The following HM13 variants were observed in gnomAD, a reference collection of about 807,000 sequenced individuals.
HM13 encodes the protein signal peptide peptidase.
In HM13, 18 loss-of-function variants were observed where a neutral mutation model predicts 50.0. The ratio of observed to expected loss-of-function variants is 0.36; its 90% CI spans 0.25 to 0.53. HM13 has a LOEUF of 0.53. Ranked by LOEUF, HM13 falls within the 20% of genes least tolerant of loss-of-function variation. HM13 has a pLI of 0.90. For missense variants in HM13, 393 were observed against 552.4 expected (o/e 0.71, Z 2.89); for synonymous variants, 197 against 232.6 (o/e 0.85, Z 1.39).
rs777483844 is a variant in HM13, at chr20:31,561,534, C to G, written c.846-100C>G. The G allele has an allele frequency of 1.3e-4, 106 of 817,576 alleles. No homozygotes were observed. In the Admixed American group the frequency reaches 1.5e-3, roughly 12 times the overall value. 50.6% of individuals were successfully genotyped at this position (817,576 alleles called of 1,614,324 possible). A position where few individuals can be genotyped will look rare whatever the true frequency, so the allele number is the denominator to read the frequency against. ...CCCAGCCCAGAGCTCAGTCACCCCCCCACAACCTCTAGGGTCTTCCCCAGC... is the reference window on the plus strand; with the variant it reads ...CCCAGCCCAGAGCTCAGTCACCCCCGCACAACCTCTAGGGTCTTCCCCAGC... On this transcript the variant is annotated intron_variant, in intron 9 of 12. Coordinates refer to ENST00000398174, the MANE Select transcript of HM13 (RefSeq NM_178581.3).
At chr20:31,531,462 T>G (rs1982811027) in intron 2 of HM13, among the ~76,000 whole-genome samples, 1 of 151,840 alleles carries the variant, frequency 6.6e-6, no homozygotes, top group Non-Finnish European at 1.5e-5. Context: ...AGTCACATAA[T>G]CGTAGCTTAC....
chr20:31,524,599 G>A (rs997752127), intron 1 of HM13, among the ~76,000 whole-genome samples: 6 of 151,572 alleles, frequency 4.0e-5, no homozygotes, highest in Non-Finnish European at 8.8e-5. Context: ...TTACCTTTCC[G>A]ATAGACAAAA....
At chr20:31,559,869 A>G (rs1568798963) in intron 9 of HM13, among the ~76,000 whole-genome samples, 1 of 152,258 alleles carries the variant, frequency 6.6e-6, no homozygotes, top group Non-Finnish European at 1.5e-5. Flanking sequence ...ATTTAAACCC[A>G]CAAGGGCCTG....
chr20:31,546,331 C>G lies in HM13; in HGVS notation c.454+1296C>G, dbSNP rs537462644. Among the ~76,000 whole-genome samples, 56 of 152,246 alleles carry G rather than the reference C, an allele frequency of 3.7e-4. 1 individual carries two copies. The highest frequency in any genetic ancestry group is 3.3e-3 in the Admixed American group (51 of 15,294). ...GATTACAGGCGTGAGCCACCGCGCC[C>G]GGCCGTAGCACTCTCTCTTACTGGT... On this transcript the variant is annotated intron_variant, in intron 4 of 12. Transcript: ENST00000398174.
rs139781758 is a variant in HM13, at chr20:31,539,405, G to A, written c.365+1144G>A. 1.9e-4 allele frequency: 187 copies of A among 985,506 alleles called. 2 individuals carry two copies. In the East Asian group the frequency reaches 0.013, roughly 71 times the overall value. 61.0% of individuals were successfully genotyped at this position (985,506 alleles called of 1,614,324 possible). A position where few individuals can be genotyped will look rare whatever the true frequency, so the allele number is the denominator to read the frequency against. On this transcript the variant is annotated intron_variant, in intron 3 of 12. Transcript: ENST00000398174. ...CCTTGAACTTAGCTTTCTTTGAAGGGTAGGAAACCTGGAAGACGTACAAAG... is the reference window on the plus strand; with the variant it reads ...CCTTGAACTTAGCTTTCTTTGAAGGATAGGAAACCTGGAAGACGTACAAAG...
At chr20:31,545,087 C>T (rs752528210) in intron 4 of HM13, 52 bp downstream of exon 4, 3 of 1,391,978 alleles carry the variant, frequency 2.2e-6, no homozygotes, top group Non-Finnish European at 3.1e-6. Flanking sequence ...CTTCCTCCAC[C>T]ATTCCCTTTG....
At chr20:31,545,908 G>T (rs919104256) in intron 4 of HM13, among the ~76,000 whole-genome samples, 2 of 151,994 alleles carry the variant, frequency 1.3e-5, no homozygotes, top group African/African-American at 2.4e-5. Context: ...TGCTAGCCAG[G>T]CTGGTCTCAA....
At chr20:31,522,566 A>G (rs76804053) in intron 1 of HM13, among the ~76,000 whole-genome samples, 19 of 151,842 alleles carry the variant, frequency 1.3e-4, no homozygotes, top group Admixed American at 1.0e-3. Context: ...AAAAAAAAAA[A>G]CTGACAAGCT....
At chr20:31,544,342 T>C (rs959126682) in intron 3 of HM13, among the ~76,000 whole-genome samples, 1 of 152,206 alleles carries the variant, frequency 6.6e-6, no homozygotes, top group Non-Finnish European at 1.5e-5. Context: ...AGAATGCTTC[T>C]AGAGACGAGG....
In HM13 at chr20:31,569,290, G is replaced by T. The variant is rs574566952; in HGVS notation, c.*71G>T. 4.5e-6 allele frequency: 5 copies of T among 1,100,284 alleles called. No individual in the cohort carries two copies. The highest frequency in any genetic ancestry group is 6.7e-6 in the Non-Finnish European group (5 of 744,150). 68.2% of individuals were successfully genotyped at this position (1,100,284 alleles called of 1,614,324 possible). A position where few individuals can be genotyped will look rare whatever the true frequency, so the allele number is the denominator to read the frequency against. On this transcript the variant is annotated 3_prime_UTR_variant, in exon 13 of 13. Coordinates refer to ENST00000398174, the MANE Select transcript of HM13 (RefSeq NM_178581.3). ...GGCTGGGCCCACACAGGCGTGCACC[G>T]GTAGAGGGCACAGGAGGCCAAGGGC...
At chr20:31,554,947 A>C in intron 8 of HM13, 118 bp downstream of exon 8, 1 of 897,844 alleles carries the variant, frequency 1.1e-6, no homozygotes, top group Non-Finnish European at 1.8e-6. Context: ...GTAAGGCTGG[A>C]TCAGGCCAGG....
chr20:31,565,922 C>G, intron 10 of HM13: 1 of 291,376 alleles, frequency 3.4e-6, no homozygotes, highest in Non-Finnish European at 6.4e-6. Context: ...CAGGAAGTTG[C>G]TTTTTGAACC....
intron 2 of HM13, among the ~76,000 whole-genome samples, chr20:31,529,952 C>G (rs1275423004): frequency 1.3e-5 from 2 of 151,144 alleles, no homozygotes; most frequent in African/African-American, 4.9e-5. Flanking sequence ...GGCGACACAG[C>G]GAGACTCTGT....
chr20:31,544,796 G>A (rs927760244), intron 3 of HM13, 151 bp from the exon 4 acceptor site: 3 of 640,368 alleles, frequency 4.7e-6, no homozygotes, highest in Admixed American at 2.4e-5. Context: ...ACCTTTTGAG[G>A]GCCTCTGTTT....
At chr20:31,552,509 G>C (rs1984085410) in intron 7 of HM13, among the ~76,000 whole-genome samples, 1 of 152,182 alleles carries the variant, frequency 6.6e-6, no homozygotes, top group Admixed American at 6.5e-5. Context: ...CTGATACTTA[G>C]GGTCTGGTTT....
intron 3 of HM13, among the ~76,000 whole-genome samples, chr20:31,543,423 T>C (rs1386856998): frequency 6.6e-6 from 1 of 152,052 alleles, no homozygotes; most frequent in Non-Finnish European, 1.5e-5. Flanking sequence ...GTAGCTGGGA[T>C]TACAGGCACC....
At chr20:31,543,984 A>G (rs1314654211) in intron 3 of HM13, among the ~76,000 whole-genome samples, 2 of 152,016 alleles carry the variant, frequency 1.3e-5, no homozygotes, top group African/African-American at 4.8e-5. Context: ...TGACCTGGGT[A>G]CCTCCTGGCC....
chr20:31,517,714 G>C (rs1981883703), intron 1 of HM13, among the ~76,000 whole-genome samples: 1 of 152,106 alleles, frequency 6.6e-6, no homozygotes, highest in Non-Finnish European at 1.5e-5. Context: ...CAGGAGAGGG[G>C]CTTGGATGTA....
At chr20:31,520,935 T>C (rs947195253) in intron 1 of HM13, among the ~76,000 whole-genome samples, 1 of 152,212 alleles carries the variant, frequency 6.6e-6, no homozygotes, top group Non-Finnish European at 1.5e-5. Flanking sequence ...GCCAATGGCT[T>C]GAAGCAGGCA....
Sources: allele counts gnomAD v4.1 joint callset (sites outside exome capture counted in the v4.1 genomes callset), GRCh38; gene constraint gnomAD v4.1.1; transcripts MANE v1.5; gene names NCBI Gene and HGNC (gene_info 2026-07-23, HGNC 2026-07-21).